MPRIP: variants seen among roughly 807,000 people sequenced by gnomAD.
MPRIP encodes myosin phosphatase Rho-interacting protein.
A neutral mutation model predicts 234.9 loss-of-function variants in MPRIP; 59 were observed. The ratio of observed to expected loss-of-function variants is 0.25; its 90% CI spans 0.20 to 0.31. The LOEUF (loss-of-function observed/expected upper bound fraction) is 0.31. Ranked by LOEUF, MPRIP falls within the 10% of genes least tolerant of loss-of-function variation. MPRIP has a pLI of 1.00. For missense variants in MPRIP, 2,436 were observed against 3,071.0 expected (o/e 0.79, Z 4.89); for synonymous variants, 1,144 against 1,263.9 (o/e 0.91, Z 2.01).
intron 3 of MPRIP, among the ~76,000 whole-genome samples, chr17:17,092,698 G>A (rs1392408157): frequency 1.3e-5 from 2 of 152,170 alleles, no homozygotes; most frequent in Admixed American, 6.5e-5. Context: ...GGAAAGGGGA[G>A]TAAAGTTTTC....
chr17:17,099,226 A>G (rs2089911145), intron 3 of MPRIP, among the ~76,000 whole-genome samples: 1 of 152,138 alleles, frequency 6.6e-6, no homozygotes, highest in African/African-American at 2.4e-5. Flanking sequence ...CGTCCTCTGC[A>G]GTCCCCTTCT....
chr17:17,152,284 G>A (rs928474873), intron 12 of MPRIP, among the ~76,000 whole-genome samples: 4 of 152,230 alleles, frequency 2.6e-5, no homozygotes, highest in African/African-American at 4.8e-5. Context: ...CATAGTGCCC[G>A]GTGAGCCTCC....
At position 17,078,183 on chromosome 17, in the gene MPRIP, T is replaced by C. The variant is rs917864163; in HGVS notation, c.267+107T>C. On this transcript the variant is annotated intron_variant, in intron 3 of 23. Coordinates refer to ENST00000651222, the MANE Select transcript of MPRIP (RefSeq NM_001364716.4). This position sits in a 1 kb window ranked among gnomAD's most constrained non-coding sequence, Gnocchi z 4.3. ...AGCACAGCAGCCATGTGCTCCTGCT[T>C]GTGTCTGTTTGGGAGTGTGGAATGT... 1.7e-6 allele frequency: 2 copies of C among 1,181,424 alleles called. No homozygotes were observed. The allele number at this position is 1,181,424 out of a possible 1,614,324, so 73.2% of individuals were successfully genotyped here.
rs548410941 is a variant in MPRIP at position 17,182,903 on chromosome 17, C to T, written c.7207-1920C>T. ...CCCCCAGCCATGCTCCGGGGCCTGCCTCTGAGTAGCACTTAGGCTCAGGGC... is the reference window on the plus strand; with the variant it reads ...CCCCCAGCCATGCTCCGGGGCCTGCTTCTGAGTAGCACTTAGGCTCAGGGC... On this transcript the variant is annotated intron_variant, in intron 23 of 23. Transcript: ENST00000651222. 3 of 152,500 alleles carry T rather than the reference C, an allele frequency of 2.0e-5. No homozygotes were observed. In the East Asian group the frequency reaches 5.8e-4, roughly 29 times the overall value. The allele number at this position is 152,500 out of a possible 1,614,324, so 9.4% of individuals were successfully genotyped here.
At chr17:17,044,921 A>AACCTC (rs2088295562) in intron 1 of MPRIP, among the ~76,000 whole-genome samples, 1 of 152,184 alleles carries the variant, frequency 6.6e-6, no homozygotes, top group South Asian at 2.1e-4. Flanking sequence ...GGGAGAGGTT[A>AACCTC]GCCCAGCATT....
intron 11 of MPRIP, among the ~76,000 whole-genome samples, chr17:17,148,197 G>A (rs202210818): frequency 3.5e-4 from 54 of 152,324 alleles, no homozygotes; most frequent in African/African-American, 1.3e-3. Context: ...GTGGGCGGTG[G>A]GCCTCTGGTG....
At chr17:17,112,995 G>A (rs1164565428) in intron 3 of MPRIP, among the ~76,000 whole-genome samples, 2 of 152,232 alleles carry the variant, frequency 1.3e-5, no homozygotes, top group Non-Finnish European at 2.9e-5. Flanking sequence ...AGACAGCTGG[G>A]ATGGAACTTG....
At chr17:17,161,523 TG>T (rs941794977) in intron 15 of MPRIP, among the ~76,000 whole-genome samples, 167 bp downstream of exon 15, 4 of 152,268 alleles carry the variant, frequency 2.6e-5, no homozygotes, top group African/African-American at 7.2e-5. Flanking sequence ...TCAATGTGCT[TG>T]GGGGGGTCTG....
At chr17:17,056,749 G>C (rs1462536239) in intron 1 of MPRIP, among the ~76,000 whole-genome samples, 1 of 151,786 alleles carries the variant, frequency 6.6e-6, no homozygotes, top group African/African-American at 2.4e-5. Flanking sequence ...TGCTCCAAAA[G>C]AACCCCCCAC....
chr17:17,049,453 T>C (rs1176548582), intron 1 of MPRIP, among the ~76,000 whole-genome samples: 1 of 152,206 alleles, frequency 6.6e-6, no homozygotes. Context: ...CACACACACC[T>C]GCCTTCTGCT....
At chr17:17,075,489 C>T (rs934911419) in intron 1 of MPRIP, among the ~76,000 whole-genome samples, 3 of 152,134 alleles carry the variant, frequency 2.0e-5, no homozygotes, top group African/African-American at 7.2e-5. Flanking sequence ...GGTTCTCACA[C>T]TCCTGCCAGG....
chr17:17,089,282 T>A (rs2089660325), intron 3 of MPRIP, among the ~76,000 whole-genome samples: 1 of 152,210 alleles, frequency 6.6e-6, no homozygotes, highest in African/African-American at 2.4e-5. Flanking sequence ...GCAGCTTCCT[T>A]CTGAGGTCCC....
chr17:17,066,152 C>G (rs986414660), intron 1 of MPRIP, among the ~76,000 whole-genome samples: 18 of 152,278 alleles, frequency 1.2e-4, no homozygotes, highest in Admixed American at 1.2e-3. Flanking sequence ...ACTGCACTAG[C>G]TAGAAATTCG....
intron 3 of MPRIP, among the ~76,000 whole-genome samples, chr17:17,123,380 G>T (rs981899647): frequency 6.6e-6 from 1 of 152,160 alleles, no homozygotes; most frequent in Non-Finnish European, 1.5e-5. Context: ...AGAAAAGTTA[G>T]GCCAGGGGCG....
chr17:17,077,951 GC>G, intron 2 of MPRIP, 59 bp from the exon 3 acceptor site: 1 of 1,566,192 alleles, frequency 6.4e-7, no homozygotes, highest in South Asian at 1.1e-5. Flanking sequence ...AACTCCAGAA[GC>G]CAAGCTCTGG....
chr17:17,143,871 A>G (rs535425804), intron 9 of MPRIP, among the ~76,000 whole-genome samples: 6 of 152,274 alleles, frequency 3.9e-5, no homozygotes, highest in Non-Finnish European at 7.4e-5. Context: ...CAGCAGAACC[A>G]AGGGCTCCAT....
At chr17:17,052,004 G>A (rs947011388) in intron 1 of MPRIP, among the ~76,000 whole-genome samples, 4 of 152,368 alleles carry the variant, frequency 2.6e-5, no homozygotes, top group East Asian at 1.9e-4. Context: ...ACTATATTGT[G>A]TCATAGCCCG....
intron 3 of MPRIP, among the ~76,000 whole-genome samples, chr17:17,126,447 G>A (rs1399736776): frequency 6.6e-6 from 1 of 152,152 alleles, no homozygotes; most frequent in Non-Finnish European, 1.5e-5. Context: ...GTCCTCCCCT[G>A]CATATCCCCT....
At position 17,187,098 on chromosome 17, in the gene MPRIP, G is replaced by A. The variant is rs1382481918; in HGVS notation, c.*2204G>A. ...CAGCTCCCTGCCTTCTGCCCTCCAG[G>A]GGGTTCTGGCCAGAGTCCATGCTTG... On this transcript the variant is annotated 3_prime_UTR_variant, in exon 24 of 24. Coordinates refer to ENST00000651222, the MANE Select transcript of MPRIP (RefSeq NM_001364716.4). The A allele has an allele frequency of 6.6e-6, 1 of 152,300 alleles. No individual in the cohort carries two copies. The highest frequency in any genetic ancestry group is 1.5e-5 in the Non-Finnish European group (1 of 68,122). 9.4% of individuals were successfully genotyped at this position (152,300 alleles called of 1,614,324 possible).
Sources: allele counts gnomAD v4.1 joint callset (sites outside exome capture counted in the v4.1 genomes callset), GRCh38; gene constraint gnomAD v4.1.1; non-coding constraint Gnocchi (gnomAD v3.1); transcripts MANE v1.5; gene names NCBI Gene and HGNC (gene_info 2026-07-23, HGNC 2026-07-21).